Variants in CBR4 observed in about 807,000 individuals in gnomAD.
CBR4 encodes the protein 3-oxoacyl-[acyl-carrier-protein] reductase.
A neutral mutation model predicts 21.0 loss-of-function variants in CBR4; 22 were observed. The observed-to-expected ratio is 1.05, with a 90% CI of 0.75 to 1.50. CBR4 has a LOEUF of 1.50. CBR4 is among the 40% of genes most tolerant of loss of function. The probability of loss-of-function intolerance (pLI) is 0.00; values close to 1 mark genes in which losing one functional copy is unlikely to be tolerated. For missense variants in CBR4, 302 were observed against 286.3 expected (o/e 1.05, Z -0.40); for synonymous variants, 100 against 104.4 (o/e 0.96, Z 0.26).
At chr4:168,952,707 C>G (rs1051035423) in intron 2 of CBR4, among the ~76,000 whole-genome samples, 22 of 152,198 alleles carry the variant, frequency 1.4e-4, no homozygotes, top group Non-Finnish European at 1.5e-5. Context: ...AGCCACCCAG[C>G]AAGTCTACCA....
rs536892761 is a variant in CBR4, at chr4:168,960,107, T to C, written n.169+41964A>G. Reference sequence around the variant, plus strand: ...TAAGTGTTATGGTTTTTAATGCTACTGTAAATGGAATTTAGTCCCATTTTC... The same window carrying C: ...TAAGTGTTATGGTTTTTAATGCTACCGTAAATGGAATTTAGTCCCATTTTC... On this transcript the variant is annotated intron_variant and non_coding_transcript_variant, in intron 2 of 3. Coordinates refer to the CBR4 transcript ENST00000509108. Among the ~76,000 whole-genome samples, 10 of 152,360 alleles carry C rather than the reference T, an allele frequency of 6.6e-5. 1 individual carries two copies. In the South Asian group the frequency reaches 2.1e-3, roughly 32 times the overall value.
intron 2 of CBR4, among the ~76,000 whole-genome samples, chr4:168,947,615 A>C (rs1049760794): frequency 6.6e-6 from 1 of 152,084 alleles, no homozygotes; most frequent in Non-Finnish European, 1.5e-5. Context: ...TAGCTCCCAC[A>C]TATCAGTGAG....
intron 2 of CBR4, among the ~76,000 whole-genome samples, chr4:168,944,909 G>A (rs1049074861): frequency 6.6e-6 from 1 of 152,184 alleles, no homozygotes; most frequent in Non-Finnish European, 1.5e-5. Context: ...GCTGTTCAGA[G>A]CATGTGACAT....
intron 2 of CBR4, among the ~76,000 whole-genome samples, chr4:168,903,508 A>C (rs1350677312): frequency 3.3e-5 from 5 of 152,212 alleles, no homozygotes; most frequent in Admixed American, 3.3e-4. Flanking sequence ...CATATAAATA[A>C]TATATGAATG....
intron 3 of CBR4, among the ~76,000 whole-genome samples, chr4:169,003,485 T>C (rs1022347336): frequency 2.0e-5 from 3 of 152,204 alleles, no homozygotes; most frequent in South Asian, 2.1e-4. Flanking sequence ...AAGATGTGAA[T>C]ACTGTTGAAA....
intron 3 of CBR4, among the ~76,000 whole-genome samples, chr4:169,003,396 A>G (rs1468120690): frequency 6.6e-6 from 1 of 152,240 alleles, no homozygotes; most frequent in Non-Finnish European, 1.5e-5. Flanking sequence ...CAATCTTATG[A>G]TAAAACAAAT....
intron 2 of CBR4, among the ~76,000 whole-genome samples, chr4:168,905,507 A>G (rs1050623148): frequency 1.3e-5 from 2 of 152,024 alleles, no homozygotes; most frequent in African/African-American, 2.4e-5. Flanking sequence ...ATTATATTCT[A>G]ATATTCCATG....
intron 2 of CBR4, chr4:168,904,160 A>G (rs947147625): frequency 6.4e-6 from 3 of 466,370 alleles, no homozygotes; most frequent in Non-Finnish European, 1.2e-5. Flanking sequence ...CACACTTTCT[A>G]TGTGGGTGAT....
intron 2 of CBR4, among the ~76,000 whole-genome samples, chr4:168,953,213 C>A (rs970737433): frequency 1.3e-5 from 2 of 152,162 alleles, no homozygotes; most frequent in Middle Eastern, 3.2e-3. Flanking sequence ...GCAGCAGTCA[C>A]AGGCCTCACT....
chr4:168,993,231 G>A (rs1765011384), intron 4 of CBR4, among the ~76,000 whole-genome samples: 1 of 135,334 alleles, frequency 7.4e-6, no homozygotes, highest in Non-Finnish European at 1.6e-5. Flanking sequence ...TTTTTTTTGA[G>A]ACAAGAGTCT....
intron 2 of CBR4, among the ~76,000 whole-genome samples, chr4:168,972,700 A>G (rs967862706): frequency 6.6e-6 from 1 of 152,112 alleles, no homozygotes; most frequent in Admixed American, 6.5e-5. Context: ...AGGGTTTTCT[A>G]GGTATACGAT....
intron 3 of CBR4, among the ~76,000 whole-genome samples, chr4:169,003,761 A>G (rs966739507): frequency 6.6e-6 from 1 of 152,220 alleles, no homozygotes; most frequent in Non-Finnish European, 1.5e-5. Flanking sequence ...TGGAATACTA[A>G]GCAGCCATAA....
chr4:168,946,209 G>A (rs1763393238), intron 2 of CBR4, among the ~76,000 whole-genome samples: 1 of 152,164 alleles, frequency 6.6e-6, no homozygotes, highest in African/African-American at 2.4e-5. Flanking sequence ...CCCTCTTTGG[G>A]TTCCAGAATG....
At chr4:168,935,037 C>T (rs1763069888) in intron 2 of CBR4, among the ~76,000 whole-genome samples, 1 of 152,188 alleles carries the variant, frequency 6.6e-6, no homozygotes, top group Non-Finnish European at 1.5e-5. Context: ...AAGATCAATG[C>T]AGAAGGCAGG....
At chr4:168,938,182 T>A (rs1763165639) in intron 2 of CBR4, among the ~76,000 whole-genome samples, 1 of 152,184 alleles carries the variant, frequency 6.6e-6, no homozygotes, top group African/African-American at 2.4e-5. Flanking sequence ...CGTAATTACA[T>A]AGAAACTGAA....
intron 2 of CBR4, among the ~76,000 whole-genome samples, chr4:168,948,458 G>A (rs1763453105): frequency 6.6e-6 from 1 of 152,068 alleles, no homozygotes; most frequent in African/African-American, 2.4e-5. Flanking sequence ...TGTCTAGAAG[G>A]GTTTTTCCAA....
chr4:168,899,810 G>C (rs28617745), intron 2 of CBR4, among the ~76,000 whole-genome samples: 1,703 of 152,026 alleles, frequency 0.011, 47 homozygotes, highest in African/African-American at 0.039. Flanking sequence ...TCAGCTACTT[G>C]GGAGGCTGAG....
intron 2 of CBR4, among the ~76,000 whole-genome samples, chr4:168,973,530 G>A (rs760583757): frequency 2.0e-5 from 3 of 152,148 alleles, no homozygotes; most frequent in African/African-American, 4.8e-5. Flanking sequence ...GTTTCACCAT[G>A]TTGGTCAGGT....
At chr4:168,990,422 A>T in intron 4 of CBR4, 94 bp from the exon 5 acceptor site, 2 of 1,241,896 alleles carry the variant, frequency 1.6e-6, no homozygotes, top group Non-Finnish European at 2.1e-6. Flanking sequence ...TGAAAATTTT[A>T]ATTTGAAATT....
Sources: allele counts gnomAD v4.1 joint callset (sites outside exome capture counted in the v4.1 genomes callset), GRCh38; gene constraint gnomAD v4.1.1; transcripts MANE v1.5; gene names NCBI Gene and HGNC (gene_info 2026-07-23, HGNC 2026-07-21).